Variants in CHST9 observed in about 807,000 individuals in gnomAD.
The protein encoded by CHST9 is carbohydrate sulfotransferase 9.
In CHST9, 41 loss-of-function variants were observed where a neutral mutation model predicts 44.4. The ratio of observed to expected loss-of-function variants is 0.92; its 90% CI spans 0.72 to 1.20. CHST9 has a LOEUF of 1.20. Among genes scored for constraint, CHST9 ranks in the 50% most tolerant of loss-of-function variants. The pLI, the probability that CHST9 is intolerant of heterozygous loss-of-function variation, is 0.00. For missense variants in CHST9, 504 were observed against 516.5 expected (o/e 0.98, Z 0.23); for synonymous variants, 171 against 178.4 (o/e 0.96, Z 0.33).
chr18:27,173,492 C>T (rs2058847221), intron 1 of CHST9, among the ~76,000 whole-genome samples: 1 of 151,916 alleles, frequency 6.6e-6, no homozygotes, highest in African/African-American at 2.4e-5. Context: ...TGACTCATTT[C>T]CCTTTAAAAT....
At chr18:26,943,112 A>C (rs1369995303) in intron 5 of CHST9, among the ~76,000 whole-genome samples, 1 of 152,220 alleles carries the variant, frequency 6.6e-6, no homozygotes, top group African/African-American at 2.4e-5. Context: ...GTCTAAAAAA[A>C]AAAGAAAGAA....
At chr18:27,018,519 G>A (rs1429260737) in intron 4 of CHST9, among the ~76,000 whole-genome samples, 1 of 152,110 alleles carries the variant, frequency 6.6e-6, no homozygotes, top group Non-Finnish European at 1.5e-5. Flanking sequence ...TGTGCAGAAG[G>A]TACAAACTGT....
intron 3 of CHST9, among the ~76,000 whole-genome samples, chr18:27,038,800 C>T (rs939981718): frequency 1.3e-5 from 2 of 152,042 alleles, no homozygotes; most frequent in Non-Finnish European, 2.9e-5. Context: ...TATTATAATA[C>T]ACATGTTCAG....
intron 4 of CHST9, among the ~76,000 whole-genome samples, chr18:26,959,064 C>A (rs1311366895): frequency 6.6e-6 from 1 of 152,180 alleles, no homozygotes; most frequent in Non-Finnish European, 1.5e-5. Context: ...ATGAAATCAA[C>A]CTAGGTGCCC....
intron 2 of CHST9, among the ~76,000 whole-genome samples, chr18:27,128,498 G>A (rs562383971): frequency 2.6e-5 from 4 of 152,224 alleles, no homozygotes; most frequent in Non-Finnish European, 1.5e-5. Context: ...TCGAACTCCT[G>A]ACCCCATGAT....
chr18:27,102,550 T>A (rs954839189), intron 2 of CHST9, among the ~76,000 whole-genome samples: 24 of 152,268 alleles, frequency 1.6e-4, no homozygotes, highest in African/African-American at 5.8e-4. Context: ...GTAGCATTCT[T>A]CATTGGGGAA....
intron 4 of CHST9, among the ~76,000 whole-genome samples, chr18:26,981,101 T>C (rs1438342730): frequency 6.6e-6 from 1 of 152,194 alleles, no homozygotes; most frequent in Non-Finnish European, 1.5e-5. Context: ...AGTTGGATTA[T>C]TGCATTTTTT....
chr18:26,945,661 TA>T (rs2056150993), intron 4 of CHST9, among the ~76,000 whole-genome samples: 5 of 152,236 alleles, frequency 3.3e-5, no homozygotes, highest in Admixed American at 3.3e-4. Context: ...TTTAGCCATT[TA>T]CTCGTTGAAG....
At chr18:27,030,495 A>G (rs2057328803) in intron 3 of CHST9, among the ~76,000 whole-genome samples, 1 of 152,236 alleles carries the variant, frequency 6.6e-6, no homozygotes, top group African/African-American at 2.4e-5. Context: ...TTAAAAGGAA[A>G]CACAAGCTTA....
intron 5 of CHST9, among the ~76,000 whole-genome samples, chr18:26,918,080 T>C (rs2055571695): frequency 6.6e-6 from 1 of 152,196 alleles, no homozygotes; most frequent in African/African-American, 2.4e-5. Flanking sequence ...AATGTAGTTA[T>C]CTTTTCAGTA....
chr18:26,944,281 C>A (rs570683691), intron 5 of CHST9, 48 bp downstream of exon 5: 1 of 1,418,266 alleles, frequency 7.1e-7, no homozygotes, highest in South Asian at 1.2e-5. Flanking sequence ...TGTTTATTAA[C>A]ATTGAAACAA....
chr18:27,108,986 G>A (rs1235179866), intron 2 of CHST9, among the ~76,000 whole-genome samples: 1 of 152,062 alleles, frequency 6.6e-6, no homozygotes, highest in Non-Finnish European at 1.5e-5. Context: ...TCCTTACTAC[G>A]CAGAACTGCA....
intron 4 of CHST9, among the ~76,000 whole-genome samples, chr18:26,963,689 GGTGTCA>G (rs2056429375): frequency 6.6e-6 from 1 of 152,030 alleles, no homozygotes; most frequent in African/African-American, 2.4e-5. Context: ...CACAAACTTG[GGTGTCA>G]GTGAGACTGG....
chr18:27,153,329 G>A (rs2058672808), intron 1 of CHST9, among the ~76,000 whole-genome samples: 1 of 152,042 alleles, frequency 6.6e-6, no homozygotes, highest in African/African-American at 2.4e-5. Context: ...TACAGTTCTG[G>A]AGGCCAGATG....
rs990268644 is a variant in CHST9, at chr18:26,910,400, G to C, written c.*5859C>G. 3 of 152,224 alleles carry C rather than the reference G, an allele frequency of 2.0e-5. No individual in the cohort carries two copies. Among genetic ancestry groups the C allele is most frequent in the African/African-American group, 7.2e-5 (3 of 41,438 alleles). The allele number at this position is 152,224 out of a possible 1,614,324, so 9.4% of individuals were successfully genotyped here. ...GATTTCCTTTGGAAGCTTGGCGGGG[G>C]AAGGAATACACTCTTCAGAGCAGGA... On this transcript the variant is annotated 3_prime_UTR_variant, in exon 6 of 6. Transcript: ENST00000618847.
intron 2 of CHST9, among the ~76,000 whole-genome samples, chr18:27,071,138 G>A (rs554430742): frequency 6.6e-6 from 1 of 152,160 alleles, no homozygotes; most frequent in African/African-American, 2.4e-5. Context: ...TCTTCTTGGG[G>A]TACCTCGCCA....
rs2055404874 is a variant in CHST9, at chr18:26,908,973, T to C, written c.*7286A>G. 6.6e-6 allele frequency: 1 copy of C among 152,222 alleles called. No homozygotes were observed. Among genetic ancestry groups the C allele is most frequent in the Admixed American group, 6.5e-5 (1 of 15,270 alleles). The allele number at this position is 152,222 out of a possible 1,614,324, so 9.4% of individuals were successfully genotyped here. ...TTGTCTTCACTTGTTCAATGTGAAG[T>C]TGAGTTGCCAAAATTGCCTTCAGTA... On this transcript the variant is annotated 3_prime_UTR_variant, in exon 6 of 6. Coordinates refer to ENST00000618847, the MANE Select transcript of CHST9 (RefSeq NM_031422.6).
intron 2 of CHST9, among the ~76,000 whole-genome samples, chr18:27,068,144 A>T (rs1472746601): frequency 6.6e-6 from 1 of 152,194 alleles, no homozygotes; most frequent in African/African-American, 2.4e-5. Context: ...AGAAAATAAG[A>T]GGAATAAAGA....
At chr18:27,143,409 G>C (rs2058584796) in intron 1 of CHST9, among the ~76,000 whole-genome samples, 1 of 151,928 alleles carries the variant, frequency 6.6e-6, no homozygotes, top group African/African-American at 2.4e-5. Flanking sequence ...ATCCTTCAGA[G>C]GCATAAAAAG....
Sources: gnomAD v4.1 joint callset for allele counts (sites outside exome capture counted in the v4.1 genomes callset) on GRCh38, gnomAD v4.1.1 for gene constraint, MANE v1.5 for transcripts, NCBI Gene and HGNC (gene_info 2026-07-23, HGNC 2026-07-21) for gene names.